CFAP107: variants seen among roughly 807,000 people sequenced by gnomAD.
CFAP107 encodes the protein cilia and flagella associated protein 107, also known as cilia- and flagella-associated protein 107.
the CFAP107 span, chr1:12,760,796 G>A: frequency 3.1e-6 from 5 of 1,614,026 alleles, no homozygotes; most frequent in East Asian, 1.1e-4. Flanking sequence ...TGGACTCTAT[G>A]AGCAGCTCAA....
At chr1:12,759,718 A>G in the CFAP107 span, 1 of 597,332 alleles carries the variant, frequency 1.7e-6, no homozygotes, top group Non-Finnish European at 3.0e-6. Flanking sequence ...CCTGTGCCCC[A>G]TGGTGGCGGG....
the CFAP107 span, among the ~76,000 whole-genome samples, chr1:12,748,198 A>G: frequency 3.3e-5 from 5 of 152,064 alleles, no homozygotes; most frequent in Non-Finnish European, 7.4e-5. Context: ...GGGCTGCCTG[A>G]GGGATTGCTC....
At chr1:12,755,515 C>A in the CFAP107 span, among the ~76,000 whole-genome samples, 2 of 152,140 alleles carry the variant, frequency 1.3e-5, no homozygotes, top group Non-Finnish European at 2.9e-5. Context: ...CAGCTCTTCC[C>A]GGGGGTGCCG....
At chr1:12,758,876 T>C in the CFAP107 span, among the ~76,000 whole-genome samples, 1 of 152,158 alleles carries the variant, frequency 6.6e-6, no homozygotes, top group African/African-American at 2.4e-5. Flanking sequence ...CAGACTGAAA[T>C]ATAAGGCATA....
chr1:12,748,683 G>A, the CFAP107 span, among the ~76,000 whole-genome samples: 4 of 149,980 alleles, frequency 2.7e-5, no homozygotes, highest in Non-Finnish European at 4.4e-5. Flanking sequence ...GACGTATGAA[G>A]ATACAGAAAA....
At chr1:12,752,087 G>T in the CFAP107 span, among the ~76,000 whole-genome samples, 1 of 152,140 alleles carries the variant, frequency 6.6e-6, no homozygotes, top group East Asian at 1.9e-4. Flanking sequence ...TGAAGAGGAA[G>T]AAATAAATTC....
the CFAP107 span, among the ~76,000 whole-genome samples, chr1:12,751,493 G>A: frequency 6.6e-6 from 1 of 152,092 alleles, no homozygotes; most frequent in Non-Finnish European, 1.5e-5. Flanking sequence ...TGGGTGTCGT[G>A]GTGCATGCCT....
At chr1:12,757,748 T>C in the CFAP107 span, among the ~76,000 whole-genome samples, 1 of 152,096 alleles carries the variant, frequency 6.6e-6, no homozygotes, top group Admixed American at 6.6e-5. Context: ...GCCCTGAACA[T>C]AACCCTGCTT....
chr1:12,755,747 A>G, the CFAP107 span: 1 of 1,614,024 alleles, frequency 6.2e-7, no homozygotes, highest in Non-Finnish European at 8.5e-7. Flanking sequence ...ACAGAAAAGA[A>G]TACATCCCCT....
the CFAP107 span, chr1:12,746,274 C>G: frequency 7.8e-6 from 4 of 509,610 alleles, no homozygotes; most frequent in Non-Finnish European, 7.2e-6. Flanking sequence ...CCGTTTTATT[C>G]TCTGAGGTTA....
the CFAP107 span, among the ~76,000 whole-genome samples, chr1:12,749,724 A>T: frequency 6.6e-6 from 1 of 152,246 alleles, no homozygotes; most frequent in East Asian, 1.9e-4. Flanking sequence ...TAAAAAAAAT[A>T]CTGTTATCTG....
At chr1:12,758,229 T>C in the CFAP107 span, among the ~76,000 whole-genome samples, 1 of 152,140 alleles carries the variant, frequency 6.6e-6, no homozygotes, top group Non-Finnish European at 1.5e-5. Flanking sequence ...CTTTCAAAGG[T>C]AGCTGTCTCT....
chr1:12,755,952 G>C, the CFAP107 span: 1 of 618,150 alleles, frequency 1.6e-6, no homozygotes, highest in Non-Finnish European at 2.9e-6. Flanking sequence ...CAGCCCGGGG[G>C]CTGCAGATAG....
At chr1:12,746,965 A>G in the CFAP107 span, among the ~76,000 whole-genome samples, 1 of 151,964 alleles carries the variant, frequency 6.6e-6, no homozygotes, top group Non-Finnish European at 1.5e-5. Flanking sequence ...AGAATATGGT[A>G]TCTCCTGAGG....
At chr1:12,759,461 C>T in the CFAP107 span, 1 of 1,614,156 alleles carries the variant, frequency 6.2e-7, no homozygotes, top group Non-Finnish European at 8.5e-7. Context: ...CTGTGGCTGC[C>T]AGAGAAGTCT....
At chr1:12,749,031 A>G in the CFAP107 span, among the ~76,000 whole-genome samples, 1 of 152,222 alleles carries the variant, frequency 6.6e-6, no homozygotes, top group Non-Finnish European at 1.5e-5. Flanking sequence ...CTTATGGGAC[A>G]CTATGAAGCA....
At chr1:12,759,925 A>G in the CFAP107 span, among the ~76,000 whole-genome samples, 34 of 152,320 alleles carry the variant, frequency 2.2e-4, no homozygotes, top group African/African-American at 7.9e-4. Context: ...AGAACACTTA[A>G]GATCACATAG....
the CFAP107 span, among the ~76,000 whole-genome samples, chr1:12,754,804 A>G: frequency 3.3e-5 from 5 of 152,232 alleles, no homozygotes; most frequent in Admixed American, 1.3e-4. Context: ...TGCCTGTAAC[A>G]GGCAAGTTCA....
chr1:12,753,269 ATTG>A, the CFAP107 span: 1 of 152,110 alleles, frequency 6.6e-6, no homozygotes, highest in Admixed American at 6.5e-5. Context: ...AAGACTTAAT[ATTG>A]TTAAGATATC....
Sources: allele counts gnomAD v4.1 joint callset (sites outside exome capture counted in the v4.1 genomes callset), GRCh38; gene constraint gnomAD v4.1.1; transcripts MANE v1.5; gene names NCBI Gene and HGNC (gene_info 2026-07-23, HGNC 2026-07-21).